LYPD3: variants seen among roughly 807,000 people sequenced by gnomAD.
LYPD3 encodes the protein ly6/PLAUR domain-containing protein 3.
A neutral mutation model predicts 21.7 loss-of-function variants in LYPD3; 22 were observed. The observed-to-expected ratio is 1.01, with a 90% CI of 0.72 to 1.45. The LOEUF is 1.45. Among genes scored for constraint, LYPD3 ranks in the 40% most tolerant of loss-of-function variants. The probability of loss-of-function intolerance (pLI) is 0.00; values close to 1 mark genes in which losing one functional copy is unlikely to be tolerated. For missense variants in LYPD3, 471 were observed against 466.9 expected (o/e 1.01, Z -0.08); for synonymous variants, 179 against 203.0 (o/e 0.88, Z 1.00).
Position 43,463,082 on chromosome 19 carries a change from G to A in LYPD3, c.544+44C>T, listed in dbSNP as rs777277830. ...CTACCGCCCAGGGTGCTTCAGAAGGGCTACCACAACTCCCGTAGGTCCCGT... is the reference window on the plus strand; with the variant it reads ...CTACCGCCCAGGGTGCTTCAGAAGGACTACCACAACTCCCGTAGGTCCCGT... On this transcript the variant is annotated intron_variant, in intron 4 of 4. Transcript: ENST00000244333. The A allele has an allele frequency of 5.0e-6, 8 of 1,603,878 alleles. No individual in the cohort carries two copies. In the East Asian group the frequency reaches 1.6e-4, roughly 31 times the overall value.
rs1421841330 is a variant in LYPD3 at position 43,463,594 on chromosome 19, C to T, written c.382+5G>A. 1 of 1,599,812 alleles carries T rather than the reference C, an allele frequency of 6.3e-7. No homozygotes were observed. Among genetic ancestry groups the T allele is most frequent in the Non-Finnish European group, 8.5e-7 (1 of 1,179,512 alleles). The stretch of plus-strand genomic sequence containing the variant: ...CCCCGCAGCTACGGCCCGGCCCCCA[C>T]GGACCTGCCGGGTCGAGCGCCCGCG... On this transcript the variant is annotated splice_donor_5th_base_variant and intron_variant, in intron 3 of 4. Transcript: ENST00000244333.
At position 43,463,200 on chromosome 19, in the gene LYPD3, G is replaced by A. The variant is rs202240738; in HGVS notation, c.470C>T (p.Pro157Leu). The A allele has an allele frequency of 1.2e-5, 19 of 1,610,750 alleles. No homozygotes were observed. The African/African-American group carries it at 2.5e-4, about 21-fold the overall frequency. ...SREACQGTSP[P>L]VVSCYNASDH... ...GCTGGCGTTGTAGCAGCTCACGACC[G>A]GCGGCGATGTACCCTGGCACGCCTC... Residue 157 changes from proline (P) to leucine (L), a missense_variant, in exon 4 of 5, where the codon CCG becomes CTG. Coordinates refer to ENST00000244333, the MANE Select transcript of LYPD3 (RefSeq NM_014400.3).
At chr19:43,463,434 G>C (rs1568467646) in intron 3 of LYPD3, 147 bp from the exon 4 acceptor site, 1 of 1,359,264 alleles carries the variant, frequency 7.4e-7, no homozygotes, top group Non-Finnish European at 1.0e-6. Flanking sequence ...ACCTCGCGGC[G>C]CCTACAGCCA....
rs769356465 is a variant in LYPD3 at position 43,464,307 on chromosome 19, C to T, written c.211+18G>A. Reference sequence around the variant, plus strand: ...AGGAGCCTGCAGTGGTGTGCGTGGCCCGGGGGTCCCCACTCACTGGTCTCC... The same window carrying T: ...AGGAGCCTGCAGTGGTGTGCGTGGCTCGGGGGTCCCCACTCACTGGTCTCC... On this transcript the variant is annotated intron_variant, in intron 2 of 4. Coordinates refer to ENST00000244333, the MANE Select transcript of LYPD3 (RefSeq NM_014400.3). 6.3e-7 allele frequency: 1 copy of T among 1,590,014 alleles called. No homozygotes were observed. Among genetic ancestry groups the T allele is most frequent in the Non-Finnish European group, 8.6e-7 (1 of 1,169,274 alleles).
chr19:43,461,748 C>G lies in LYPD3; in HGVS notation c.644G>C (p.Cys215Ser), dbSNP rs1738870254. The change falls in exon 5 of 5, where the codon TGT becomes TCT. Residue 215 changes from cysteine (C) to serine (S), a missense_variant. Coordinates refer to ENST00000244333, the MANE Select transcript of LYPD3 (RefSeq NM_014400.3). ...AGAGTTACAGCGGGACCCCTGGCAA[C>G]AGGAGCCACTGAGCGTGAACCCTGG... ...TGPGFTLSGSCCQGSRCNSDL... is the reference protein window; with the variant it reads ...TGPGFTLSGSSCQGSRCNSDL... 2 of 1,614,018 alleles carry G rather than the reference C, an allele frequency of 1.2e-6. No homozygotes were observed. Among genetic ancestry groups the G allele is most frequent in the Admixed American group, 1.7e-5 (1 of 60,000 alleles).
intron 1 of LYPD3, 51 bp from the exon 2 acceptor site, chr19:43,464,507 C>T (rs775280650): frequency 1.9e-6 from 3 of 1,610,614 alleles, no homozygotes; most frequent in South Asian, 1.1e-5. Flanking sequence ...AAAGCGTCCA[C>T]CCCCAAGGAG....
At chr19:43,462,534 G>A (rs781034600) in intron 4 of LYPD3, among the ~76,000 whole-genome samples, 1 of 152,136 alleles carries the variant, frequency 6.6e-6, no homozygotes, top group Non-Finnish European at 1.5e-5. Flanking sequence ...GGTGCACCCT[G>A]TAGTCCCAGC....
rs548548289 is a variant in LYPD3 at position 43,463,609 on chromosome 19, G to A, written c.372C>T (p.Leu124=). The change falls in exon 3 of 5, where the codon CTC becomes CTT. Residue 124 remains leucine (L), a synonymous_variant. Coordinates refer to ENST00000244333, the MANE Select transcript of LYPD3 (RefSeq NM_014400.3). ...NAKLNLTSRA[L]DPAGNESAYP... is the part of the protein sequence containing the mutation. Reference sequence around the variant, plus strand: ...CCGGCCCCCACGGACCTGCCGGGTCGAGCGCCCGCGAGGTGAGGTTGAGCT... The same window carrying A: ...CCGGCCCCCACGGACCTGCCGGGTCAAGCGCCCGCGAGGTGAGGTTGAGCT... 7 of 1,601,174 alleles carry A rather than the reference G, an allele frequency of 4.4e-6. No homozygotes were observed. The highest frequency in any genetic ancestry group is 5.9e-6 in the Non-Finnish European group (7 of 1,179,688).
At chr19:43,464,196 G>T in intron 2 of LYPD3, 129 bp downstream of exon 2, 2 of 1,269,170 alleles carry the variant, frequency 1.6e-6, no homozygotes, top group Non-Finnish European at 2.1e-6. Flanking sequence ...GTAGGGTCCC[G>T]GCCAGGCTGA....
chr19:43,464,288 C>T lies in LYPD3; in HGVS notation c.211+37G>A, dbSNP rs78192599. 2.4e-3 allele frequency: 3,780 copies of T among 1,570,842 alleles called. 73 individuals are homozygous for T. The African/African-American group carries it at 0.046, about 19-fold the overall frequency. On this transcript the variant is annotated intron_variant, in intron 2 of 4. Coordinates refer to ENST00000244333, the MANE Select transcript of LYPD3 (RefSeq NM_014400.3). ...GGAGGCGGGGCTGGGCCGGAGGAGC[C>T]TGCAGTGGTGTGCGTGGCCCGGGGG... is the stretch of plus-strand genomic sequence containing the variant.
chr19:43,462,184 TTGAA>T (rs1217324446), intron 4 of LYPD3, among the ~76,000 whole-genome samples: 13 of 152,284 alleles, frequency 8.5e-5, no homozygotes, highest in African/African-American at 3.1e-4. Context: ...CCATTGTGCT[TTGAA>T]TGGAAATGTG....
At chr19:43,463,015 A>C in intron 4 of LYPD3, 111 bp downstream of exon 4, 1 of 1,175,074 alleles carries the variant, frequency 8.5e-7, no homozygotes, top group African/African-American at 1.5e-5. Flanking sequence ...CGATTCCCAG[A>C]ATGCGTCGCA....
chr19:43,465,452 C>T (rs1252541401), intron 1 of LYPD3, 41 bp downstream of exon 1: 1 of 1,599,232 alleles, frequency 6.3e-7, no homozygotes, highest in Non-Finnish European at 8.5e-7. Context: ...CCCTAAGAGC[C>T]CCCACTCTAC....
chr19:43,463,572 C>G (rs1293471427), intron 3 of LYPD3, 27 bp downstream of exon 3: 2 of 1,596,702 alleles, frequency 1.3e-6, no homozygotes, highest in South Asian at 1.1e-5. Context: ...GCTCCGCCCC[C>G]GCAGCTACGG....
In LYPD3 at chr19:43,465,486, G is replaced by A; in HGVS notation, c.79+7C>T. ...ACCCCCTCCACCTCTCCGGGCAGCA[G>A]ACCCACCTCCGCGAAGCAGCAGCAG... On this transcript the variant is annotated splice_region_variant and intron_variant, in intron 1 of 4. Transcript: ENST00000244333. The A allele has an allele frequency of 6.2e-7, 1 of 1,608,578 alleles. No individual in the cohort carries two copies. The highest frequency in any genetic ancestry group is 1.1e-5 in the South Asian group (1 of 91,060).
chr19:43,461,068 T>C lies in LYPD3; in HGVS notation c.*283A>G, dbSNP rs1357294625. 2 of 374,264 alleles carry C rather than the reference T, an allele frequency of 5.3e-6. No individual in the cohort carries two copies. Among genetic ancestry groups the C allele is most frequent in the African/African-American group, 2.0e-5 (1 of 49,606 alleles). 23.2% of individuals were successfully genotyped at this position (374,264 alleles called of 1,614,324 possible). ...CACCTTCCCCGTGACAGCTGACTTCTCTCACTCTGTCCTAACATCACAAGA... is the reference window on the plus strand; with the variant it reads ...CACCTTCCCCGTGACAGCTGACTTCCCTCACTCTGTCCTAACATCACAAGA... On this transcript the variant is annotated 3_prime_UTR_variant, in exon 5 of 5. Transcript: ENST00000244333.
In LYPD3 at chr19:43,461,522, C is replaced by G. The variant is rs1031207283; in HGVS notation, c.870G>C (p.Arg290=). ...PRQGVEHEAS[R]DEEPRLTGGA... The stretch of plus-strand genomic sequence containing the variant: ...CTCCAGTCAACCTGGGCTCCTCATC[C>G]CGGGAGGCCTCGTGTTCTACTCCCT... The change falls in exon 5 of 5, where the codon CGG becomes CGC. Residue 290 remains arginine (R), a synonymous_variant. Transcript: ENST00000244333. 1 of 1,614,148 alleles carries G rather than the reference C, an allele frequency of 6.2e-7. No individual in the cohort carries two copies. Among genetic ancestry groups the G allele is most frequent in the Non-Finnish European group, 8.5e-7 (1 of 1,180,030 alleles).
rs768209460 is a variant in LYPD3, at chr19:43,461,695, G to A, written c.697C>T (p.Pro233Ser). The change falls in exon 5 of 5, where the codon CCT (proline) becomes TCT (serine). Residue 233 changes from proline to serine, a missense_variant. Transcript: ENST00000244333. ...AGCCGGACAAGGGGTGGGATTCGAGGGGAGAAGTAGGTCTTGTTGCGGAGG... is the reference window on the plus strand; with the variant it reads ...AGCCGGACAAGGGGTGGGATTCGAGAGGAGAAGTAGGTCTTGTTGCGGAGG... ...SDLRNKTYFS[P>S]RIPPLVRLPP... 2.5e-6 allele frequency: 4 copies of A among 1,614,024 alleles called. No individual in the cohort carries two copies. Among genetic ancestry groups the A allele is most frequent in the Non-Finnish European group, 3.4e-6 (4 of 1,180,026 alleles).
chr19:43,461,683 G>A lies in LYPD3; in HGVS notation c.709C>T (p.Pro237Ser), dbSNP rs1970777158. 6.2e-7 allele frequency: 1 copy of A among 1,614,160 alleles called. No homozygotes were observed. Among genetic ancestry groups the A allele is most frequent in the South Asian group, 1.1e-5 (1 of 91,086 alleles). ...NKTYFSPRIP[P>S]LVRLPPPEPT... is the part of the protein sequence containing the mutation. ...TCTGGAGGGGGCAGCCGGACAAGGG[G>A]TGGGATTCGAGGGGAGAAGTAGGTC... The change falls in exon 5 of 5, where the codon CCC becomes TCC. Residue 237 changes from proline (P) to serine (S), a missense_variant. Coordinates refer to ENST00000244333, the MANE Select transcript of LYPD3 (RefSeq NM_014400.3).
Sources: allele counts gnomAD v4.1 joint callset (sites outside exome capture counted in the v4.1 genomes callset), GRCh38; gene constraint gnomAD v4.1.1; transcripts MANE v1.5; gene names NCBI Gene and HGNC (gene_info 2026-07-23, HGNC 2026-07-21).